The following HSD17B3 variants were observed in gnomAD, a reference collection of about 807,000 sequenced individuals.
The protein encoded by HSD17B3 is 17-beta-hydroxysteroid dehydrogenase type 3.
Under a neutral mutation model 41.1 loss-of-function variants are expected in HSD17B3, and 29 were observed. The ratio of observed to expected loss-of-function variants is 0.71; its 90% confidence interval spans 0.53 to 0.96. The LOEUF is 0.96. HSD17B3 is among the 40% of genes least tolerant of loss of function. HSD17B3 has a pLI of 0.00. For synonymous variants in HSD17B3, 126 were observed against 145.6 expected (o/e 0.87, Z 0.97); for missense variants, 323 against 374.6 (o/e 0.86, Z 1.14).
intron 2 of HSD17B3, among the ~76,000 whole-genome samples, chr9:96,292,394 C>T (rs1827191711): frequency 6.6e-6 from 1 of 152,174 alleles, no homozygotes; most frequent in Non-Finnish European, 1.5e-5. Context: ...GAGATGGAGT[C>T]TCACTCTTGT....
At chr9:96,246,345 G>A (rs776627397) in intron 7 of HSD17B3, 13 of 637,446 alleles carry the variant, frequency 2.0e-5, no homozygotes, top group African/African-American at 2.0e-4. Flanking sequence ...TGTGTGTTAC[G>A]TTTGACCTTC....
At chr9:96,270,267 C>CAG (rs1279731621) in intron 2 of HSD17B3, among the ~76,000 whole-genome samples, 4 of 150,840 alleles carry the variant, frequency 2.7e-5, no homozygotes, top group African/African-American at 4.9e-5. Flanking sequence ...CACACACACA[C>CAG]ACAGAGAGAG....
At chr9:96,245,528 C>G in intron 7 of HSD17B3, 102 bp from the exon 8 acceptor site, 1 of 839,658 alleles carries the variant, frequency 1.2e-6, no homozygotes. Context: ...GGACTCGACC[C>G]TTTCTAGGCT....
At chr9:96,293,547 CCACTCT>C (rs1284901297) in intron 2 of HSD17B3, among the ~76,000 whole-genome samples, 2 of 151,768 alleles carry the variant, frequency 1.3e-5, no homozygotes, top group Admixed American at 6.6e-5. Context: ...CCTTCCTCTC[CCACTCT>C]TCTCTCTCTG....
At chr9:96,301,880 CA>C (rs1827626425) in intron 1 of HSD17B3, 70 bp downstream of exon 1, 17 of 1,543,452 alleles carry the variant, frequency 1.1e-5, no homozygotes, top group Non-Finnish European at 1.5e-5. Flanking sequence ...GTGTCTGTCT[CA>C]AAAATAATAA....
chr9:96,280,145 G>A (rs559479031), intron 2 of HSD17B3, among the ~76,000 whole-genome samples: 114 of 152,294 alleles, frequency 7.5e-4, no homozygotes, highest in African/African-American at 2.5e-3. Flanking sequence ...GGAGGAGGCC[G>A]TAATGAGGCA....
rs1274208043 is a variant in HSD17B3, at chr9:96,259,699, C to T, written c.202-4756G>A. The stretch of plus-strand genomic sequence containing the variant: ...TCACGCCATTGCACTCCAGCCTGGG[C>T]GACAGAACAAGACTCCGTCTCAAAA... On this transcript the variant is annotated intron_variant, in intron 2 of 10. Transcript: ENST00000375263. 5.4e-5 allele frequency among the ~76,000 whole-genome samples: 8 copies of T among 148,362 alleles called. No individual in the cohort carries two copies. In the South Asian group the frequency reaches 8.5e-4, roughly 16 times the overall value.
intron 2 of HSD17B3, among the ~76,000 whole-genome samples, chr9:96,266,384 C>T (rs770373455): frequency 1.1e-4 from 17 of 152,108 alleles, no homozygotes; most frequent in Non-Finnish European, 2.2e-4. Context: ...GTGATCCTCC[C>T]ACCTCAGCCT....
chr9:96,293,524 C>T (rs1014052568), intron 2 of HSD17B3, among the ~76,000 whole-genome samples: 2 of 151,886 alleles, frequency 1.3e-5, no homozygotes, highest in African/African-American at 4.8e-5. Flanking sequence ...TTTCTCTCCT[C>T]TCCCTCTCCC....
At chr9:96,246,475 C>T in intron 7 of HSD17B3, 81 bp downstream of exon 7, 1 of 1,205,060 alleles carries the variant, frequency 8.3e-7, no homozygotes, top group South Asian at 1.2e-5. Flanking sequence ...CAGATGGACT[C>T]TGTGTCCCCA....
chr9:96,272,405 CTA>C (rs1199705437), intron 2 of HSD17B3, among the ~76,000 whole-genome samples: 220 of 21,470 alleles, frequency 0.01, 3 homozygotes, highest in East Asian at 0.031. Flanking sequence ...CTCTCTCTCT[CTA>C]TATATATATA....
At chr9:96,285,746 C>T (rs1826895659) in intron 2 of HSD17B3, among the ~76,000 whole-genome samples, 1 of 152,164 alleles carries the variant, frequency 6.6e-6, no homozygotes, top group Non-Finnish European at 1.5e-5. Flanking sequence ...CTGAGCTCCT[C>T]TCTACTCTGA....
intron 2 of HSD17B3, among the ~76,000 whole-genome samples, chr9:96,295,168 G>A (rs1195202950): frequency 6.7e-6 from 1 of 149,422 alleles, no homozygotes; most frequent in East Asian, 2.0e-4. Flanking sequence ...CACCACGCCT[G>A]GCTAATTTTT....
intron 5 of HSD17B3, chr9:96,250,278 C>A: frequency 9.2e-7 from 1 of 1,090,922 alleles, no homozygotes; most frequent in Non-Finnish European, 1.1e-6. Flanking sequence ...CACAGACACA[C>A]ACAGGCAGAG....
Position 96,249,747 on chromosome 9 carries a change from A to G in HSD17B3, c.489+4T>C. On this transcript the variant is annotated splice_donor_region_variant and intron_variant, in intron 6 of 10. Coordinates refer to ENST00000375263, the MANE Select transcript of HSD17B3 (RefSeq NM_000197.2). ...TGCATTTCGCACATATATTGATCAC[A>G]TACCTTGACTACGGAGGTGATGTTA... 1.9e-6 allele frequency: 3 copies of G among 1,613,960 alleles called. No individual in the cohort carries two copies. The highest frequency in any genetic ancestry group is 1.7e-6 in the Non-Finnish European group (2 of 1,179,854).
chr9:96,282,834 A>G (rs1177621402), intron 2 of HSD17B3, among the ~76,000 whole-genome samples: 1 of 152,206 alleles, frequency 6.6e-6, no homozygotes, highest in Non-Finnish European at 1.5e-5. Context: ...GCCTGGATTA[A>G]AAGGTTAAAA....
chr9:96,300,250 A>ACACACACACG (rs747577630), intron 1 of HSD17B3, among the ~76,000 whole-genome samples: 6 of 151,122 alleles, frequency 4.0e-5, no homozygotes, highest in Non-Finnish European at 8.8e-5. Flanking sequence ...ACACACACAC[A>ACACACACACG]CACGCACACA....
chr9:96,255,615 C>T (rs571454572), intron 2 of HSD17B3, among the ~76,000 whole-genome samples: 1 of 152,132 alleles, frequency 6.6e-6, no homozygotes, highest in East Asian at 1.9e-4. Flanking sequence ...GTCTCCAACT[C>T]CTGACCGCAT....
intron 2 of HSD17B3, among the ~76,000 whole-genome samples, chr9:96,269,826 C>T (rs574042399): frequency 3.8e-4 from 57 of 150,828 alleles, no homozygotes; most frequent in African/African-American, 1.3e-3. Flanking sequence ...ATCACCTGAA[C>T]CCAGGAGGCA....
Sources: gnomAD v4.1 joint callset for allele counts (sites outside exome capture counted in the v4.1 genomes callset) on GRCh38, gnomAD v4.1.1 for gene constraint, MANE v1.5 for transcripts, NCBI Gene and HGNC (gene_info 2026-07-23, HGNC 2026-07-21) for gene names.